KCNH5: variants seen among roughly 807,000 people sequenced by gnomAD.
KCNH5 encodes potassium voltage-gated channel subfamily H member 5, also known as voltage-gated delayed rectifier potassium channel KCNH5.
KCNH5 carries 46 observed loss-of-function variants against 96.1 expected under a neutral mutation model. The observed-to-expected ratio is 0.48, with a 90% CI of 0.38 to 0.61. The LOEUF is 0.61. KCNH5 is among the 20% of genes least tolerant of loss of function. The pLI, the probability that KCNH5 is intolerant of heterozygous loss-of-function variation, is 0.00. For missense variants in KCNH5, 907 were observed against 1,225.8 expected, an observed-to-expected ratio of 0.74 and a Z score of 3.88; for synonymous variants, 439 against 449.8, an observed-to-expected ratio of 0.98 and a Z score of 0.30.
At chr14:62,720,992 G>T (rs1884801856) in intron 10 of KCNH5, among the ~76,000 whole-genome samples, 1 of 152,234 alleles carries the variant, frequency 6.6e-6, no homozygotes, top group African/African-American at 2.4e-5. Flanking sequence ...GATGACTGCG[G>T]ACTGGTCTAT....
chr14:62,926,691 C>T (rs1022962698), intron 7 of KCNH5, among the ~76,000 whole-genome samples: 8 of 152,122 alleles, frequency 5.3e-5, no homozygotes, highest in South Asian at 2.1e-4. Context: ...CCTGTTGTCT[C>T]TCCCTCTTCT....
intron 7 of KCNH5, among the ~76,000 whole-genome samples, chr14:62,899,792 C>CCA (rs947587104): frequency 2.0e-5 from 3 of 150,632 alleles, no homozygotes; most frequent in Non-Finnish European, 3.0e-5. Flanking sequence ...CGAGATCCCG[C>CCA]CACTGCACTC....
rs186245388 is a variant in KCNH5 at position 62,975,412 on chromosome 14, T to C, written c.942+5460A>G. Among the ~76,000 whole-genome samples, 644 of 151,838 alleles carry C rather than the reference T, an allele frequency of 4.2e-3. 5 individuals are homozygous for C. The highest frequency in any genetic ancestry group is 0.015 in the African/African-American group (624 of 41,422). On this transcript the variant is annotated intron_variant, in intron 6 of 10. Transcript: ENST00000322893. ...GAAAAAAGGCAAAGAATGCATAAAA[T>C]AGTATGAATGAAGAAGCCGATAAAC... is the stretch of plus-strand genomic sequence containing the variant.
intron 8 of KCNH5, among the ~76,000 whole-genome samples, chr14:62,833,048 A>AT (rs1024588303): frequency 1.4e-4 from 21 of 151,762 alleles, no homozygotes; most frequent in Admixed American, 9.9e-4. Flanking sequence ...GTTTATACAT[A>AT]TTTTTTCTTA....
chr14:62,718,202 A>G (rs886558400), intron 10 of KCNH5, among the ~76,000 whole-genome samples: 5 of 152,078 alleles, frequency 3.3e-5, no homozygotes, highest in African/African-American at 9.7e-5. Context: ...TCTGTTCACT[A>G]TTTGGGTGAT....
In KCNH5 at chr14:62,708,387, C is replaced by T. The variant is rs36004050; in HGVS notation, c.2088G>A (p.Val696=). 0.036 allele frequency: 58,866 copies of T among 1,613,142 alleles called. 1,359 individuals are homozygous for T. The highest frequency in any genetic ancestry group is 0.061 in the South Asian group (5,582 of 91,078). Residue 696 remains valine, a synonymous_variant, in exon 11 of 11, where the codon GTG becomes GTA. Transcript: ENST00000322893. The part of the protein sequence containing the change: ...EEERLRQKNE[V]TLSIPVDHPV... ...GGTGGTCCACGGGAATGCTGAGGGT[C>T]ACCTCATTCTTCTGCCGGAGGCGCT...
chr14:62,965,759 T>C (rs1324788423), intron 6 of KCNH5, among the ~76,000 whole-genome samples: 2 of 152,180 alleles, frequency 1.3e-5, no homozygotes, highest in Non-Finnish European at 2.9e-5. Context: ...ATGTTTACCA[T>C]ATGTACTGGC....
intron 7 of KCNH5, among the ~76,000 whole-genome samples, chr14:62,858,363 T>C (rs144710912): frequency 7.8e-4 from 119 of 152,320 alleles, no homozygotes; most frequent in Middle Eastern, 3.4e-3. Context: ...TAGTTTCCCA[T>C]TGACCTTAAT....
At chr14:62,870,244 T>A (rs1198997001) in intron 7 of KCNH5, among the ~76,000 whole-genome samples, 2 of 152,230 alleles carry the variant, frequency 1.3e-5, no homozygotes, top group Non-Finnish European at 2.9e-5. Context: ...TGGAAACACT[T>A]CTGTAAATAT....
chr14:63,001,550 GCCAA>G, intron 3 of KCNH5, 91 bp from the exon 4 acceptor site: 6 of 1,212,812 alleles, frequency 4.9e-6, no homozygotes, highest in Non-Finnish European at 6.8e-6. Context: ...TCCTTCAGCT[GCCAA>G]CAGCTGTGCC....
At chr14:62,784,278 T>C (rs1013726760) in intron 9 of KCNH5, among the ~76,000 whole-genome samples, 1 of 152,184 alleles carries the variant, frequency 6.6e-6, no homozygotes, top group African/African-American at 2.4e-5. Context: ...ACTGCTCCCA[T>C]TATTCAATTA....
rs58920666 is a variant in KCNH5, at chr14:62,909,032, ATTTTTTTTTTT to A, written c.1369+41090_1369+41100del. Among the ~76,000 whole-genome samples, 515 of 57,918 alleles carry A rather than the reference ATTTTTTTTTTT, an allele frequency of 8.9e-3. 4 individuals carry two copies. The highest frequency in any genetic ancestry group is 0.074 in the Middle Eastern group (5 of 68). 38.0% of individuals were successfully genotyped at this position (57,918 alleles called of 152,430 possible). On this transcript the variant is annotated intron_variant, in intron 7 of 10. Coordinates refer to ENST00000322893, the MANE Select transcript of KCNH5 (RefSeq NM_139318.5). ...AAACATAGAAAACACTATGCTACGTATTTTTTTTTTTTTTTTTTTTTTTTTTTTTTTGAGAC... is the reference window on the plus strand; with the variant it reads ...AAACATAGAAAACACTATGCTACGTATTTTTTTTTTTTTTTTTTTTGAGAC...
intron 7 of KCNH5, among the ~76,000 whole-genome samples, chr14:62,895,685 T>C (rs79589509): frequency 0.013 from 1,990 of 152,232 alleles, 53 homozygotes; most frequent in East Asian, 0.099. Flanking sequence ...GCCATACCTA[T>C]AGTTATAGCC....
intron 6 of KCNH5, among the ~76,000 whole-genome samples, chr14:62,965,815 T>C (rs981748109): frequency 6.6e-6 from 1 of 152,168 alleles, no homozygotes; most frequent in African/African-American, 2.4e-5. Flanking sequence ...AATAATTACT[T>C]TCTTTGCCAT....
chr14:63,038,533 C>G (rs578174494), intron 1 of KCNH5, among the ~76,000 whole-genome samples: 1 of 152,244 alleles, frequency 6.6e-6, no homozygotes, highest in South Asian at 2.1e-4. Context: ...AATAAAATTT[C>G]CAATAGCTTT....
chr14:63,012,119 T>C (rs1891240333), intron 2 of KCNH5, among the ~76,000 whole-genome samples: 2 of 152,320 alleles, frequency 1.3e-5, no homozygotes, highest in South Asian at 4.1e-4. Context: ...ACCTAATCTA[T>C]GACAGTATAT....
chr14:63,015,246 C>A (rs1228564359), intron 2 of KCNH5, among the ~76,000 whole-genome samples: 3 of 152,064 alleles, frequency 2.0e-5, no homozygotes, highest in Non-Finnish European at 2.9e-5. Context: ...CCCTGCTTGA[C>A]CCACCCACTT....
At chr14:63,036,078 T>C (rs1301655921) in intron 1 of KCNH5, among the ~76,000 whole-genome samples, 1 of 152,228 alleles carries the variant, frequency 6.6e-6, no homozygotes, top group African/African-American at 2.4e-5. Flanking sequence ...AGATTACCAG[T>C]TACCTTGATG....
chr14:62,961,731 T>C (rs1890209586), intron 6 of KCNH5, among the ~76,000 whole-genome samples: 1 of 151,650 alleles, frequency 6.6e-6, no homozygotes, highest in Non-Finnish European at 1.5e-5. Flanking sequence ...GAGGTGCAGA[T>C]GGAGATGGAT....
Sources: gnomAD v4.1 joint callset for allele counts (sites outside exome capture counted in the v4.1 genomes callset) on GRCh38, gnomAD v4.1.1 for gene constraint, MANE v1.5 for transcripts, NCBI Gene and HGNC (gene_info 2026-07-23, HGNC 2026-07-21) for gene names.